CUL3: variants seen among roughly 807,000 people sequenced by gnomAD.
The protein encoded by CUL3 is cullin 3.
In CUL3, 19 loss-of-function variants were observed where a neutral mutation model predicts 89.1. The observed-to-expected ratio is 0.21, with a 90% CI of 0.15 to 0.31. The LOEUF (loss-of-function observed/expected upper bound fraction) is 0.31, where lower values mean the gene tolerates loss of function less well. CUL3 is among the 10% of genes least tolerant of loss of function. The probability of loss-of-function intolerance (pLI) is 1.00; values close to 1 mark genes in which losing one functional copy is unlikely to be tolerated. For synonymous variants in CUL3, 351 were observed against 308.4 expected (o/e 1.14, Z -1.45); for missense variants, 469 against 942.3 (o/e 0.50, Z 6.58).
chr2:224,514,758 T>A lies in CUL3; in HGVS notation c.393A>T (p.Val131=). The A allele has an allele frequency of 6.2e-7, 1 of 1,611,716 alleles. No individual in the cohort carries two copies. The highest frequency in any genetic ancestry group is 8.5e-7 in the Non-Finnish European group (1 of 1,177,994). The change falls in exon 4 of 16, where the codon GTA becomes GTT. Residue 131 remains valine (V), a synonymous_variant. Coordinates refer to ENST00000264414, the MANE Select transcript of CUL3 (RefSeq NM_003590.5). ...AGACGTTCTCCACATTATTTTGTTG[T>A]ACATACACACGGTCCTACAGTTAAA... ...DILMYMDRVY[V]QQNNVENVYN...
intron 6 of CUL3, among the ~76,000 whole-genome samples, chr2:224,507,649 A>G (rs932230757): frequency 1.3e-5 from 2 of 152,268 alleles, no homozygotes; most frequent in East Asian, 1.9e-4. Context: ...TCCTAAGCCA[A>G]TATCTGTACT....
intron 9 of CUL3, among the ~76,000 whole-genome samples, chr2:224,503,424 C>T (rs1354000531): frequency 1.3e-5 from 2 of 152,192 alleles, no homozygotes; most frequent in African/African-American, 2.4e-5. Flanking sequence ...CCTTCCAGGC[C>T]TCCATGAATG....
intron 1 of CUL3, among the ~76,000 whole-genome samples, chr2:224,561,683 T>A (rs1256098490): frequency 6.6e-6 from 1 of 152,214 alleles, no homozygotes; most frequent in African/African-American, 2.4e-5. Flanking sequence ...ACACCTATAC[T>A]GCTACCTCTT....
At chr2:224,572,382 C>T (rs993781581) in intron 1 of CUL3, among the ~76,000 whole-genome samples, 1 of 151,874 alleles carries the variant, frequency 6.6e-6, no homozygotes, top group Non-Finnish European at 1.5e-5. Context: ...CAGCAGCTCA[C>T]GCCTGTAATC....
At chr2:224,512,270 G>C (rs1031393754) in intron 5 of CUL3, among the ~76,000 whole-genome samples, 8 of 151,836 alleles carry the variant, frequency 5.3e-5, no homozygotes, top group Non-Finnish European at 1.2e-4. Flanking sequence ...TAATTTTTTT[G>C]TATTTTTAGT....
chr2:224,492,017 T>G (rs1380212621), intron 13 of CUL3, among the ~76,000 whole-genome samples: 1 of 152,188 alleles, frequency 6.6e-6, no homozygotes, highest in Non-Finnish European at 1.5e-5. Context: ...ATATTGAGAT[T>G]TATGCTTTCA....
chr2:224,539,479 C>G (rs750386545), intron 2 of CUL3, among the ~76,000 whole-genome samples: 2 of 152,124 alleles, frequency 1.3e-5, no homozygotes, highest in South Asian at 2.1e-4. Flanking sequence ...TGAAAACTTA[C>G]GTCCACACAA....
At chr2:224,573,527 TAAGCTTACGAAGG>T (rs1266151689) in intron 1 of CUL3, among the ~76,000 whole-genome samples, 3 of 152,324 alleles carry the variant, frequency 2.0e-5, no homozygotes, top group East Asian at 3.9e-4. Context: ...CAGTAAAACT[TAAGCTTACGAAGG>T]AAGCTTACGA....
intron 13 of CUL3, among the ~76,000 whole-genome samples, chr2:224,491,844 C>T (rs1470193335): frequency 6.6e-6 from 1 of 152,114 alleles, no homozygotes; most frequent in African/African-American, 2.4e-5. Context: ...TAAAATGGTG[C>T]CTGGCAATTA....
chr2:224,499,481 G>A (rs146100537), intron 11 of CUL3: 3 of 238,762 alleles, frequency 1.3e-5, no homozygotes, highest in African/African-American at 6.9e-5. Context: ...CTTCCCAGTT[G>A]TTTTTTCAGA....
At chr2:224,542,486 T>C (rs900510956) in intron 2 of CUL3, among the ~76,000 whole-genome samples, 6 of 138,062 alleles carry the variant, frequency 4.3e-5, no homozygotes, top group Non-Finnish European at 9.2e-5. Flanking sequence ...CGCCAGCACT[T>C]CTGGCTTTTT....
chr2:224,507,075 T>C (rs1235911910), intron 6 of CUL3, 72 bp from the exon 7 acceptor site: 2 of 1,391,172 alleles, frequency 1.4e-6, no homozygotes, highest in Non-Finnish European at 2.0e-6. Context: ...GTTCACGCTA[T>C]AATACTGAGA....
In CUL3 at chr2:224,472,129, A is replaced by G. The variant is rs1691153004; in HGVS notation, c.*2116T>C. 4.4e-6 allele frequency: 1 copy of G among 229,294 alleles called. No homozygotes were observed. The highest frequency in any genetic ancestry group is 8.6e-6 in the Non-Finnish European group (1 of 115,746). 14.2% of individuals were successfully genotyped at this position (229,294 alleles called of 1,614,324 possible). On this transcript the variant is annotated 3_prime_UTR_variant, in exon 16 of 16. Coordinates refer to ENST00000264414, the MANE Select transcript of CUL3 (RefSeq NM_003590.5). ...ATCGCCAGCAATCTCCAACCATTCA[A>G]CTGCAATTCAGAAATGTTTTAATGT...
intron 2 of CUL3, among the ~76,000 whole-genome samples, chr2:224,547,605 G>A (rs968973160): frequency 2.0e-5 from 3 of 151,976 alleles, no homozygotes; most frequent in African/African-American, 7.3e-5. Flanking sequence ...ATTTTTGGGT[G>A]GCTGAAACAT....
chr2:224,585,104 GGGCGGC>G lies in CUL3; in HGVS notation c.-101_-96del. ...GCAGGCAGGCTAGGGGCGACGCTGG[GGGCGGC>G]GGCGGCGCGACCCCCGGGCAGGGCT... is the stretch of plus-strand genomic sequence containing the variant. On this transcript the variant is annotated 5_prime_UTR_variant, in exon 1 of 16. Transcript: ENST00000264414. 1 of 1,001,600 alleles carries G rather than the reference GGGCGGC, an allele frequency of 1.0e-6. No homozygotes were observed. 62.0% of individuals were successfully genotyped at this position (1,001,600 alleles called of 1,614,324 possible). A position where few individuals can be genotyped will look rare whatever the true frequency, so the allele number is the denominator to read the frequency against.
At chr2:224,490,180 C>T (rs921728153) in intron 13 of CUL3, among the ~76,000 whole-genome samples, 2 of 152,152 alleles carry the variant, frequency 1.3e-5, no homozygotes, top group Non-Finnish European at 2.9e-5. Context: ...TGCTGTGCTT[C>T]AGTGGTCACG....
At chr2:224,558,049 T>C (rs1441960622) in intron 1 of CUL3, among the ~76,000 whole-genome samples, 193 bp from the exon 2 acceptor site, 1 of 152,112 alleles carries the variant, frequency 6.6e-6, no homozygotes, top group Non-Finnish European at 1.5e-5. Context: ...AAATAGGTTC[T>C]AGATCTGTTA....
At position 224,470,883 on chromosome 2, in the gene CUL3, A is replaced by C. The variant is rs1234248382; in HGVS notation, c.*3362T>G. ...ATTTTTTAATATGGAAAATCATGTC[A>C]ATTTGTAACATGGAATATGGATAGG... On this transcript the variant is annotated 3_prime_UTR_variant, in exon 16 of 16. Transcript: ENST00000264414. 4.4e-6 allele frequency: 1 copy of C among 229,222 alleles called. No individual in the cohort carries two copies. Among genetic ancestry groups the C allele is most frequent in the African/African-American group, 2.2e-5 (1 of 45,138 alleles). The allele number at this position is 229,222 out of a possible 1,614,324, so 14.2% of individuals were successfully genotyped here.
intron 5 of CUL3, among the ~76,000 whole-genome samples, chr2:224,512,127 G>A (rs1013483136): frequency 1.5e-4 from 22 of 148,932 alleles, no homozygotes; most frequent in Non-Finnish European, 3.0e-4. Flanking sequence ...ACAGAGTCTC[G>A]CTCTGTCACC....
Sources: gnomAD v4.1 joint callset for allele counts (sites outside exome capture counted in the v4.1 genomes callset) on GRCh38, gnomAD v4.1.1 for gene constraint, MANE v1.5 for transcripts, NCBI Gene and HGNC (gene_info 2026-07-23, HGNC 2026-07-21) for gene names.